FHIT: variants seen among roughly 807,000 people sequenced by gnomAD.
FHIT encodes bis(5'-adenosyl)-triphosphatase.
A neutral mutation model predicts 17.9 loss-of-function variants in FHIT; 19 were observed. That is an observed-to-expected ratio of 1.06 (90% CI 0.74 to 1.56). FHIT has a LOEUF of 1.56. Ranked by LOEUF, FHIT falls within the 40% of genes most tolerant of loss-of-function variation. The probability of loss-of-function intolerance (pLI) is 0.00; values close to 1 mark genes in which losing one functional copy is unlikely to be tolerated. For synonymous variants in FHIT, 81 were observed against 69.7 expected (o/e 1.16, Z -0.81); for missense variants, 248 against 189.2 (o/e 1.31, Z -1.82).
chr3:60,532,821 G>T (rs1472571900), intron 5 of FHIT, among the ~76,000 whole-genome samples: 1 of 152,098 alleles, frequency 6.6e-6, no homozygotes, highest in East Asian at 1.9e-4. Flanking sequence ...TGAAAGCTAT[G>T]AAAAAGTCAG....
At chr3:60,125,713 T>G (rs73097523) in intron 5 of FHIT, among the ~76,000 whole-genome samples, 23,418 of 151,500 alleles carry the variant, frequency 0.15, 1,957 homozygotes, top group South Asian at 0.18. Context: ...CACACACACG[T>G]ATGTATATGT....
intron 3 of FHIT, among the ~76,000 whole-genome samples, chr3:60,951,659 C>A (rs782479457): frequency 6.6e-6 from 1 of 152,168 alleles, no homozygotes; most frequent in Admixed American, 6.5e-5. Context: ...ACCAGCACAA[C>A]GCTCTCGGAG....
intron 3 of FHIT, among the ~76,000 whole-genome samples, chr3:61,020,918 G>A (rs1195920434): frequency 5.3e-5 from 8 of 152,014 alleles, no homozygotes; most frequent in Non-Finnish European, 1.2e-4. Context: ...AACCAACAAA[G>A]ATCAAAAAAG....
chr3:60,729,569 A>G (rs1170622453), intron 4 of FHIT, among the ~76,000 whole-genome samples: 3 of 152,190 alleles, frequency 2.0e-5, no homozygotes, highest in African/African-American at 7.2e-5. Context: ...GAGCATGCAT[A>G]GAAAATGTCA....
intron 3 of FHIT, among the ~76,000 whole-genome samples, chr3:60,856,834 A>G (rs576654367): frequency 1.3e-5 from 2 of 152,086 alleles, no homozygotes; most frequent in South Asian, 4.2e-4. Flanking sequence ...GTACTCTCTC[A>G]GGCCTCAAAA....
At chr3:60,563,900 C>T (rs1226747433) in intron 4 of FHIT, among the ~76,000 whole-genome samples, 2 of 152,194 alleles carry the variant, frequency 1.3e-5, no homozygotes, top group Admixed American at 1.3e-4. Flanking sequence ...TCCAGAAGAG[C>T]TGGCAAAGAT....
At chr3:61,243,778 T>C (rs2040424633) in intron 1 of FHIT, among the ~76,000 whole-genome samples, 1 of 151,396 alleles carries the variant, frequency 6.6e-6, no homozygotes, top group African/African-American at 2.4e-5. Flanking sequence ...CAACCTGAAA[T>C]TCAATATAAG....
At chr3:60,551,079 G>A (rs1048345989) in intron 4 of FHIT, among the ~76,000 whole-genome samples, 3 of 152,076 alleles carry the variant, frequency 2.0e-5, no homozygotes, top group African/African-American at 7.2e-5. Flanking sequence ...CCAGATGGAG[G>A]AAACAGCAAT....
rs529905872 is a variant in FHIT, at chr3:60,530,660, T to C, written c.103+6200A>G. Among the ~76,000 whole-genome samples the C allele has an allele frequency of 9.2e-5, 14 of 152,236 alleles. No individual in the cohort carries two copies. The East Asian group carries it at 2.7e-3, about 30-fold the overall frequency. Reference sequence around the variant, plus strand: ...ACCTTGGCAGCTCACTACCAACTGATCAGCTGGTATGTGAGATAAAATGAA... The same window carrying C: ...ACCTTGGCAGCTCACTACCAACTGACCAGCTGGTATGTGAGATAAAATGAA... On this transcript the variant is annotated intron_variant, in intron 5 of 9. Transcript: ENST00000492590.
intron 5 of FHIT, chr3:60,536,226 G>T (rs1367198738): frequency 6.6e-6 from 1 of 152,092 alleles, no homozygotes; most frequent in East Asian, 1.9e-4. Flanking sequence ...TAGGAGGAAA[G>T]ACTACAACTC....
At chr3:61,034,980 C>G (rs1159184198) in intron 3 of FHIT, among the ~76,000 whole-genome samples, 2 of 152,132 alleles carry the variant, frequency 1.3e-5, no homozygotes, top group African/African-American at 2.4e-5. Flanking sequence ...GAATAAACTT[C>G]TGATACATCT....
At chr3:60,204,921 A>G (rs1703100713) in intron 5 of FHIT, among the ~76,000 whole-genome samples, 1 of 152,042 alleles carries the variant, frequency 6.6e-6, no homozygotes, top group East Asian at 1.9e-4. Flanking sequence ...GTGAGACCCC[A>G]TTTCTACCAA....
At chr3:60,365,708 G>C (rs956831428) in intron 5 of FHIT, among the ~76,000 whole-genome samples, 19 of 152,148 alleles carry the variant, frequency 1.2e-4, no homozygotes, top group African/African-American at 3.6e-4. Context: ...TTTAACATCA[G>C]TGTTACGTCT....
intron 2 of FHIT, among the ~76,000 whole-genome samples, chr3:61,114,549 A>C (rs1246819513): frequency 2.0e-5 from 3 of 152,114 alleles, no homozygotes; most frequent in Non-Finnish European, 4.4e-5. Flanking sequence ...TTGGCATAGA[A>C]TCTGGCACAG....
At chr3:60,595,400 G>A (rs62249091) in intron 4 of FHIT, among the ~76,000 whole-genome samples, 63,490 of 149,516 alleles carry the variant, frequency 0.42, 16,346 homozygotes, top group Non-Finnish European at 0.56. Flanking sequence ...CTTGGCTCCT[G>A]TAAATTGCAG....
At position 59,931,373 on chromosome 3, in the gene FHIT, G is replaced by T. The variant is rs1251670334; in HGVS notation, c.280-8959C>A. 9.8e-5 allele frequency among the ~76,000 whole-genome samples: 15 copies of T among 152,286 alleles called. No homozygotes were observed. In the East Asian group the frequency reaches 2.9e-3, roughly 29 times the overall value. On this transcript the variant is annotated intron_variant, in intron 7 of 9. Coordinates refer to ENST00000492590, the MANE Select transcript of FHIT (RefSeq NM_002012.4). ...ACTAAGTCGAGTCAAGGGTCAGCAT[G>T]AAATTACTGACAGCCACTTAGTTCT...
At chr3:60,274,173 T>A (rs1159451589) in intron 5 of FHIT, among the ~76,000 whole-genome samples, 1 of 152,150 alleles carries the variant, frequency 6.6e-6, no homozygotes, top group African/African-American at 2.4e-5. Flanking sequence ...CACGATTTTA[T>A]AATATCAGAT....
intron 5 of FHIT, among the ~76,000 whole-genome samples, chr3:60,192,835 G>A (rs1468560007): frequency 6.6e-6 from 1 of 152,122 alleles, no homozygotes; most frequent in Non-Finnish European, 1.5e-5. Flanking sequence ...TCGTAACCAC[G>A]ATCCACATTA....
At chr3:60,286,837 T>C (rs968386940) in intron 5 of FHIT, among the ~76,000 whole-genome samples, 2 of 152,140 alleles carry the variant, frequency 1.3e-5, no homozygotes, top group Admixed American at 6.5e-5. Context: ...CCCATGCACA[T>C]TGCTTCCCTC....
Sources: gnomAD v4.1 joint callset for allele counts (sites outside exome capture counted in the v4.1 genomes callset) on GRCh38, gnomAD v4.1.1 for gene constraint, MANE v1.5 for transcripts, NCBI Gene and HGNC (gene_info 2026-07-23, HGNC 2026-07-21) for gene names.